The following SULF1 variants were observed in gnomAD, a reference collection of about 807,000 sequenced individuals.
SULF1 encodes the protein sulfatase 1, also known as extracellular sulfatase Sulf-1.
In SULF1, 46 loss-of-function variants were observed where a neutral mutation model predicts 110.5. The observed-to-expected ratio is 0.42, with a 90% CI of 0.33 to 0.53. SULF1 has a LOEUF of 0.53. Ranked by LOEUF, SULF1 falls within the 20% of genes least tolerant of loss-of-function variation. The pLI is 0.12. For synonymous variants in SULF1, 371 were observed against 387.1 expected (o/e 0.96, Z 0.49); for missense variants, 941 against 1,094.2 (o/e 0.86, Z 1.98).
At chr8:69,507,672 G>A (rs1198002793) in intron 3 of SULF1, among the ~76,000 whole-genome samples, 3 of 152,140 alleles carry the variant, frequency 2.0e-5, no homozygotes, top group African/African-American at 7.2e-5. Context: ...ATTTATAATA[G>A]GAGAATTGAA....
chr8:69,510,952 AC>A (rs1811519133), intron 3 of SULF1, among the ~76,000 whole-genome samples: 1 of 118,798 alleles, frequency 8.4e-6, no homozygotes, highest in African/African-American at 3.9e-5. Flanking sequence ...CATTACACAC[AC>A]ACACACACAC....
At chr8:69,478,845 A>G (rs908329244) in intron 1 of SULF1, among the ~76,000 whole-genome samples, 2 of 152,214 alleles carry the variant, frequency 1.3e-5, no homozygotes, top group African/African-American at 4.8e-5. Context: ...CATAGCTTCA[A>G]GGTGGTAGAG....
chr8:69,520,296 G>T (rs916286898), intron 3 of SULF1, among the ~76,000 whole-genome samples: 6 of 150,528 alleles, frequency 4.0e-5, no homozygotes, highest in African/African-American at 1.2e-4. Flanking sequence ...CTATATTTCT[G>T]TTTTTTTTTC....
chr8:69,653,264 C>T (rs1393213162), intron 22 of SULF1, among the ~76,000 whole-genome samples: 1 of 152,020 alleles, frequency 6.6e-6, no homozygotes, highest in Non-Finnish European at 1.5e-5. Context: ...GAGGTGAGTT[C>T]TTGCTATGGT....
intron 1 of SULF1, among the ~76,000 whole-genome samples, chr8:69,483,575 T>C (rs1809590515): frequency 6.6e-6 from 1 of 152,190 alleles, no homozygotes; most frequent in Admixed American, 6.5e-5. Context: ...TTTATACTCC[T>C]ACTGACCATA....
intron 3 of SULF1, among the ~76,000 whole-genome samples, chr8:69,554,131 C>T (rs1211724010): frequency 6.6e-6 from 1 of 152,192 alleles, no homozygotes; most frequent in East Asian, 1.9e-4. Flanking sequence ...ATATCAGCTC[C>T]TTTGTGTGAC....
upstream of SULF1, among the ~76,000 whole-genome samples, chr8:69,489,014 GC>G (rs985696115): frequency 6.6e-6 from 1 of 152,166 alleles, no homozygotes; most frequent in Non-Finnish European, 1.5e-5. Flanking sequence ...AGAGGAATGA[GC>G]CAGGTGGGCG....
intron 1 of SULF1, among the ~76,000 whole-genome samples, chr8:69,477,889 G>A (rs1004542281): frequency 1.3e-5 from 2 of 151,522 alleles, no homozygotes; most frequent in East Asian, 1.9e-4. Context: ...AAAGTGTCTC[G>A]CTCTGTCACT....
chr8:69,572,475 C>T (rs566132582), intron 5 of SULF1, among the ~76,000 whole-genome samples: 2 of 152,248 alleles, frequency 1.3e-5, no homozygotes, highest in South Asian at 2.1e-4. Flanking sequence ...AGTAGAAAAT[C>T]GATGTTTCTT....
At chr8:69,612,503 G>A (rs1013540659) in intron 13 of SULF1, among the ~76,000 whole-genome samples, 3 of 87,296 alleles carry the variant, frequency 3.4e-5, no homozygotes, top group South Asian at 7.9e-4. Context: ...CCACATTCAC[G>A]CCAACATCTA....
In SULF1 at chr8:69,621,022, T is replaced by A. The variant is rs370932856; in HGVS notation, c.1378-13T>A. On this transcript the variant is annotated splice_polypyrimidine_tract_variant and intron_variant, in intron 13 of 22. Coordinates refer to ENST00000402687, the MANE Select transcript of SULF1 (RefSeq NM_001128205.2). ...GCAGAATCGGTAAACTGCTTTCACG[T>A]TGGCTTTTGCAGAAGTGGCAATGCA... The A allele has an allele frequency of 6.3e-7, 1 of 1,584,036 alleles. No homozygotes were observed. The highest frequency in any genetic ancestry group is 8.6e-7 in the Non-Finnish European group (1 of 1,158,018).
intron 3 of SULF1, among the ~76,000 whole-genome samples, chr8:69,516,971 T>C (rs566032371): frequency 2.6e-5 from 4 of 152,222 alleles, no homozygotes; most frequent in Non-Finnish European, 5.9e-5. Flanking sequence ...TTCTCACCTG[T>C]GCTTATCTCT....
At chr8:69,473,568 A>G (rs1454248322) in intron 1 of SULF1, among the ~76,000 whole-genome samples, 3 of 152,228 alleles carry the variant, frequency 2.0e-5, no homozygotes, top group Non-Finnish European at 4.4e-5. Context: ...TGGATGGACA[A>G]TCAATTCATG....
At chr8:69,525,169 G>A (rs1235544628) in intron 3 of SULF1, among the ~76,000 whole-genome samples, 3 of 152,054 alleles carry the variant, frequency 2.0e-5, no homozygotes, top group Non-Finnish European at 4.4e-5. Context: ...CCCTAGTTAA[G>A]CTATATTTCA....
Position 69,601,731 on chromosome 8 carries a change from T to G in SULF1, c.963T>G (p.Ile321Met). Residue 321 changes from isoleucine to methionine, a missense_variant, in exon 10 of 23, where the codon ATT becomes ATG. Around this residue, in one of 3 missense-constraint regions of SULF1, gnomAD observed 822 missense variants for 934.3 expected, o/e 0.88. Coordinates refer to ENST00000402687, the MANE Select transcript of SULF1 (RefSeq NM_001128205.2). ...IIYTADHGYH[I>M]GQFGLVKGKS... The stretch of plus-strand genomic sequence containing the variant: ...ACACCGCCGACCATGGTTACCATAT[T>G]GGGCAGTTTGGACTGGTCAAGGGGA... The G allele has an allele frequency of 1.2e-6, 2 of 1,613,840 alleles. No homozygotes were observed. The highest frequency in any genetic ancestry group is 1.7e-6 in the Non-Finnish European group (2 of 1,179,910).
chr8:69,561,608 G>GCAGTGAGACAGTTA (rs1449041914), intron 3 of SULF1, among the ~76,000 whole-genome samples: 1 of 152,122 alleles, frequency 6.6e-6, no homozygotes, highest in African/African-American at 2.4e-5. Flanking sequence ...TTTGTCTAAC[G>GCAGTGAGACAGTTA]CAGTGAGCCT....
intron 12 of SULF1, 67 bp from the exon 13 acceptor site, chr8:69,604,736 G>A: frequency 1.3e-6 from 2 of 1,589,178 alleles, no homozygotes; most frequent in South Asian, 1.2e-5. Flanking sequence ...AAAAAAAAGG[G>A]GGCAGGACTC....
chr8:69,633,632 C>T (rs572438644), intron 19 of SULF1, among the ~76,000 whole-genome samples: 50 of 151,890 alleles, frequency 3.3e-4, no homozygotes, highest in African/African-American at 9.6e-4. Context: ...CCACTGCACC[C>T]GGCCAGGACA....
chr8:69,599,009 A>G (rs934895927), intron 8 of SULF1, among the ~76,000 whole-genome samples: 2 of 152,152 alleles, frequency 1.3e-5, no homozygotes, highest in African/African-American at 4.8e-5. Flanking sequence ...CTGGCAGGAG[A>G]GAAAATATAA....
Sources: gnomAD v4.1 joint callset for allele counts (sites outside exome capture counted in the v4.1 genomes callset) on GRCh38, gnomAD v4.1.1 for gene constraint, gnomAD v4.1.1 regional missense constraint, MANE v1.5 for transcripts, NCBI Gene and HGNC (gene_info 2026-07-23, HGNC 2026-07-21) for gene names.